PLXDC2: variants seen among roughly 807,000 people sequenced by gnomAD.
PLXDC2 encodes the protein plexin domain containing 2, also known as plexin domain-containing protein 2.
A neutral mutation model predicts 68.9 loss-of-function variants in PLXDC2; 40 were observed. That is an observed-to-expected ratio of 0.58 (90% confidence interval 0.45 to 0.76). The LOEUF is 0.76. Among genes scored for constraint, PLXDC2 ranks in the 30% least tolerant of loss-of-function variants. The pLI, the probability that PLXDC2 is intolerant of heterozygous loss-of-function variation, is 0.00. For synonymous variants in PLXDC2, 243 were observed against 234.2 expected, an observed-to-expected ratio of 1.04 and a Z score of -0.34; for missense variants, 644 against 661.9, an observed-to-expected ratio of 0.97 and a Z score of 0.30.
chr10:20,126,206 C>A (rs1170537800), intron 4 of PLXDC2, among the ~76,000 whole-genome samples: 2 of 144,482 alleles, frequency 1.4e-5, no homozygotes, highest in South Asian at 4.3e-4. Context: ...TGTATACACA[C>A]ACATATATGT....
At chr10:20,072,070 G>A (rs993779419) in intron 4 of PLXDC2, among the ~76,000 whole-genome samples, 3 of 152,118 alleles carry the variant, frequency 2.0e-5, no homozygotes, top group African/African-American at 7.2e-5. Context: ...AATCTTGCCG[G>A]TCATGGTGGC....
chr10:20,089,647 A>G (rs1292663051), intron 4 of PLXDC2, among the ~76,000 whole-genome samples: 1 of 152,164 alleles, frequency 6.6e-6, no homozygotes, highest in East Asian at 1.9e-4. Flanking sequence ...GGTAGATGGA[A>G]AACAGGGTCC....
intron 1 of PLXDC2, among the ~76,000 whole-genome samples, chr10:19,932,644 C>T (rs780195547): frequency 7.9e-5 from 12 of 152,190 alleles, no homozygotes; most frequent in Non-Finnish European, 1.8e-4. Context: ...GATAGCTCTC[C>T]ATGCAAAATG....
At chr10:20,213,787 ATG>A (rs1483679111) in intron 10 of PLXDC2, among the ~76,000 whole-genome samples, 4 of 152,128 alleles carry the variant, frequency 2.6e-5, no homozygotes, top group African/African-American at 9.7e-5. Context: ...TTCAAGAAAA[ATG>A]TGTGTTTTCC....
At chr10:20,087,398 A>G (rs1003715745) in intron 4 of PLXDC2, among the ~76,000 whole-genome samples, 1 of 152,254 alleles carries the variant, frequency 6.6e-6, no homozygotes, top group Non-Finnish European at 1.5e-5. Context: ...GAGTAATTAA[A>G]AAAATTTGCC....
At chr10:20,193,879 A>G (rs1221587320) in intron 9 of PLXDC2, among the ~76,000 whole-genome samples, 1 of 152,030 alleles carries the variant, frequency 6.6e-6, no homozygotes, top group Non-Finnish European at 1.5e-5. Flanking sequence ...GTAATTTGAT[A>G]TTTTGTATGC....
At chr10:20,105,735 GC>G (rs1459130775) in intron 4 of PLXDC2, among the ~76,000 whole-genome samples, 1 of 152,162 alleles carries the variant, frequency 6.6e-6, no homozygotes, top group East Asian at 1.9e-4. Context: ...TGGTTGTCAG[GC>G]TCTCAACATC....
intron 4 of PLXDC2, among the ~76,000 whole-genome samples, chr10:20,107,507 A>G (rs150085646): frequency 5.9e-5 from 9 of 152,340 alleles, no homozygotes; most frequent in African/African-American, 1.7e-4. Context: ...GGCAACACCT[A>G]AAGTTCTTTT....
At chr10:19,967,777 T>C (rs1834288086) in intron 1 of PLXDC2, among the ~76,000 whole-genome samples, 2 of 152,202 alleles carry the variant, frequency 1.3e-5, no homozygotes, top group Admixed American at 6.5e-5. Flanking sequence ...CAGATCATCC[T>C]GCATCAAAAG....
chr10:19,823,298 A>G (rs906573383), intron 1 of PLXDC2, among the ~76,000 whole-genome samples: 3 of 152,288 alleles, frequency 2.0e-5, no homozygotes, highest in East Asian at 3.9e-4. Context: ...GATGAAGACT[A>G]TTAAATAATT....
intron 1 of PLXDC2, among the ~76,000 whole-genome samples, chr10:19,994,879 A>T (rs1834816338): frequency 6.6e-6 from 1 of 151,902 alleles, no homozygotes; most frequent in African/African-American, 2.4e-5. Context: ...AGTAGCTGGG[A>T]TTACAGGTGT....
intron 4 of PLXDC2, among the ~76,000 whole-genome samples, chr10:20,135,293 C>T (rs1050273162): frequency 8.5e-5 from 13 of 152,096 alleles, no homozygotes; most frequent in African/African-American, 3.1e-4. Context: ...ACTTTGTGTA[C>T]TATAAAACTG....
intron 1 of PLXDC2, among the ~76,000 whole-genome samples, chr10:19,892,546 T>C (rs915860844): frequency 1.3e-5 from 2 of 152,262 alleles, no homozygotes; most frequent in African/African-American, 2.4e-5. Flanking sequence ...CTTAATGCTA[T>C]GTACATAGTC....
intron 9 of PLXDC2, among the ~76,000 whole-genome samples, chr10:20,201,093 A>T (rs1464720130): frequency 6.6e-6 from 1 of 152,166 alleles, no homozygotes; most frequent in African/African-American, 2.4e-5. Flanking sequence ...TTACTGCAGC[A>T]CTGTTCACAA....
chr10:19,917,196 G>A (rs12261353), intron 1 of PLXDC2, among the ~76,000 whole-genome samples: 22,349 of 151,978 alleles, frequency 0.15, 2,636 homozygotes, highest in African/African-American at 0.31. Flanking sequence ...CTGGCAGTGC[G>A]GTGTGAGAAA....
chr10:20,226,313 G>A (rs1051653521), intron 12 of PLXDC2, among the ~76,000 whole-genome samples: 5 of 152,150 alleles, frequency 3.3e-5, no homozygotes, highest in African/African-American at 1.2e-4. Context: ...CCAACCCTCA[G>A]CAGCTATTGT....
At chr10:20,248,478 T>C (rs1190147916) in intron 13 of PLXDC2, among the ~76,000 whole-genome samples, 1 of 152,212 alleles carries the variant, frequency 6.6e-6, no homozygotes, top group African/African-American at 2.4e-5. Flanking sequence ...GTTCTAAGAA[T>C]AACTCTTTCT....
chr10:19,899,580 A>G (rs1028791427), intron 1 of PLXDC2, among the ~76,000 whole-genome samples: 1 of 152,208 alleles, frequency 6.6e-6, no homozygotes, highest in Non-Finnish European at 1.5e-5. Flanking sequence ...ACCACCAAGT[A>G]TAAAAAGGAT....
At chr10:19,967,602 T>G (rs1231803579) in intron 1 of PLXDC2, among the ~76,000 whole-genome samples, 2 of 152,092 alleles carry the variant, frequency 1.3e-5, no homozygotes, top group African/African-American at 4.8e-5. Flanking sequence ...TATGTGAAAA[T>G]ATGTTAAAAT....
Sources: allele counts gnomAD v4.1 joint callset (sites outside exome capture counted in the v4.1 genomes callset), GRCh38; gene constraint gnomAD v4.1.1; transcripts MANE v1.5; gene names NCBI Gene and HGNC (gene_info 2026-07-23, HGNC 2026-07-21).